The following EXT1 variants were observed in gnomAD, a reference collection of about 807,000 sequenced individuals.
EXT1 encodes the protein exostosin glycosyltransferase 1, also known as exostosin-1.
EXT1 carries 20 observed loss-of-function variants against 82.5 expected under a neutral mutation model. The observed-to-expected ratio is 0.24, with a 90% confidence interval of 0.17 to 0.35. The LOEUF is 0.35. Among genes scored for constraint, EXT1 ranks in the 10% least tolerant of loss-of-function variants. The pLI is 1.00. For synonymous variants in EXT1, 348 were observed against 350.8 expected, an observed-to-expected ratio of 0.99 and a Z score of 0.09; for missense variants, 757 against 936.5, an observed-to-expected ratio of 0.81 and a Z score of 2.50.
intron 1 of EXT1, among the ~76,000 whole-genome samples, chr8:117,948,400 G>A (rs2129689139): frequency 6.6e-6 from 1 of 151,644 alleles, no homozygotes; most frequent in South Asian, 2.1e-4. Flanking sequence ...AGAGAACAAG[G>A]TCAACAAATG....
intron 1 of EXT1, among the ~76,000 whole-genome samples, chr8:117,975,760 T>C (rs1274590023): frequency 1.3e-5 from 2 of 152,218 alleles, no homozygotes; most frequent in African/African-American, 2.4e-5. Context: ...CTTCATACAG[T>C]GCTTCAGAAA....
chr8:117,992,498 G>A (rs955570071), intron 1 of EXT1, among the ~76,000 whole-genome samples: 3 of 149,470 alleles, frequency 2.0e-5, no homozygotes, highest in Admixed American at 1.3e-4. Flanking sequence ...ACGAAGGCTT[G>A]GCCCAACATC....
At chr8:117,917,538 T>C (rs1317257542) in intron 1 of EXT1, among the ~76,000 whole-genome samples, 3 of 152,356 alleles carry the variant, frequency 2.0e-5, no homozygotes, top group Non-Finnish European at 2.9e-5. Flanking sequence ...TCATTGATAA[T>C]ATGCTTTCGT....
intron 7 of EXT1, among the ~76,000 whole-genome samples, chr8:117,813,467 C>T (rs1275336140): frequency 6.6e-6 from 1 of 150,608 alleles, no homozygotes; most frequent in Non-Finnish European, 1.5e-5. Context: ...TGCATCCTGA[C>T]ACCCACTCTT....
At chr8:118,089,532 A>G (rs1258792367) in intron 1 of EXT1, among the ~76,000 whole-genome samples, 1 of 152,240 alleles carries the variant, frequency 6.6e-6, no homozygotes, top group Non-Finnish European at 1.5e-5. Context: ...AATAAAATAT[A>G]TCCACTAAAC....
At chr8:117,997,462 A>C (rs1359691341) in intron 1 of EXT1, among the ~76,000 whole-genome samples, 1 of 151,964 alleles carries the variant, frequency 6.6e-6, no homozygotes, top group Non-Finnish European at 1.5e-5. Flanking sequence ...CAATAAGTAC[A>C]TAAGGTACAA....
At position 118,111,207 on chromosome 8, in the gene EXT1, C is replaced by G; in HGVS notation, c.-161G>C. ...GCCTTTCCCCAAGCCGTGGACTGAT[C>G]CAGCGCATGTGGGCGATTTCTTTAA... On this transcript the variant is annotated 5_prime_UTR_variant, in exon 1 of 11. Transcript: ENST00000378204. The G allele has an allele frequency of 9.8e-7, 1 of 1,021,120 alleles. No individual in the cohort carries two copies. The highest frequency in any genetic ancestry group is 1.5e-6 in the Non-Finnish European group (1 of 684,774). The allele number at this position is 1,021,120 out of a possible 1,614,324, so 63.3% of individuals were successfully genotyped here.
rs13270538 is a variant in EXT1 at position 118,096,660 on chromosome 8, A to G, written c.962+13425T>C. Among the ~76,000 whole-genome samples, 6 of 90,172 alleles carry G rather than the reference A, an allele frequency of 6.7e-5. 1 individual carries two copies. The highest frequency in any genetic ancestry group is 5.9e-4 in the South Asian group (1 of 1,690). The allele number at this position is 90,172 out of a possible 152,430, so 59.2% of individuals were successfully genotyped here. On this transcript the variant is annotated intron_variant, in intron 1 of 10. Transcript: ENST00000378204. ...GAAGGAAGGAAGGAAGGAAGGAAGGAAGGAAGGAAGGAAGGGAGGGAGGGA... is the reference window on the plus strand; with the variant it reads ...GAAGGAAGGAAGGAAGGAAGGAAGGGAGGAAGGAAGGAAGGGAGGGAGGGA...
At chr8:117,935,860 G>T (rs960179168) in intron 1 of EXT1, among the ~76,000 whole-genome samples, 31 of 152,096 alleles carry the variant, frequency 2.0e-4, no homozygotes, top group Admixed American at 1.2e-3. Flanking sequence ...CTAAGGGCAG[G>T]TATAATATTT....
At chr8:118,101,834 A>G (rs1817723216) in intron 1 of EXT1, among the ~76,000 whole-genome samples, 1 of 152,034 alleles carries the variant, frequency 6.6e-6, no homozygotes, top group Non-Finnish European at 1.5e-5. Context: ...ATGGGATTGG[A>G]GTGGGGAGTT....
rs558400386 is a variant in EXT1 at position 117,822,357 on chromosome 8, A to G, written c.1417+108T>C. 1,134 of 1,253,112 alleles carry G rather than the reference A, an allele frequency of 9.0e-4. 3 individuals are homozygous for G. Among genetic ancestry groups the G allele is most frequent in the Non-Finnish European group, 1.1e-3 (962 of 868,720 alleles). The allele number at this position is 1,253,112 out of a possible 1,614,324, so 77.6% of individuals were successfully genotyped here. ...AAGGCTCTAGAAAAAGCAATCTTCAATGCAGGGTGTTAGATGGACCCCATT... is the reference window on the plus strand; with the variant it reads ...AAGGCTCTAGAAAAAGCAATCTTCAGTGCAGGGTGTTAGATGGACCCCATT... On this transcript the variant is annotated intron_variant, in intron 5 of 10. Transcript: ENST00000378204.
At chr8:117,977,850 G>T (rs1815101797) in intron 1 of EXT1, among the ~76,000 whole-genome samples, 1 of 152,214 alleles carries the variant, frequency 6.6e-6, no homozygotes, top group Non-Finnish European at 1.5e-5. Context: ...ACTAAACAGT[G>T]AAGTTAGCCA....
chr8:117,882,423 T>C (rs963639720), intron 1 of EXT1, among the ~76,000 whole-genome samples: 4 of 152,082 alleles, frequency 2.6e-5, no homozygotes, highest in South Asian at 2.1e-4. Flanking sequence ...GGATGGTTGA[T>C]TGGTTGGTTG....
chr8:117,961,289 G>A (rs1373956004), intron 1 of EXT1, among the ~76,000 whole-genome samples: 1 of 152,122 alleles, frequency 6.6e-6, no homozygotes, highest in African/African-American at 2.4e-5. Flanking sequence ...GGACTACAGG[G>A]TGCAGGTGAC....
intron 1 of EXT1, among the ~76,000 whole-genome samples, chr8:118,080,069 A>G (rs1817284769): frequency 6.6e-6 from 1 of 152,212 alleles, no homozygotes; most frequent in African/African-American, 2.4e-5. Flanking sequence ...CTCTGTTCCC[A>G]AAGAGTTCAC....
At chr8:118,039,748 G>A (rs10106128) in intron 1 of EXT1, among the ~76,000 whole-genome samples, 58,810 of 151,682 alleles carry the variant, frequency 0.39, 11,924 homozygotes, top group Middle Eastern at 0.51. Flanking sequence ...ATGAGTGAAG[G>A]TGAAAGGGTT....
intron 7 of EXT1, 111 bp from the exon 8 acceptor site, chr8:117,813,072 C>A: frequency 1.2e-6 from 1 of 832,394 alleles, no homozygotes; most frequent in Non-Finnish European, 2.0e-6. Context: ...GAATGCGCTA[C>A]TATCATGTCA....
intron 1 of EXT1, among the ~76,000 whole-genome samples, chr8:117,931,977 A>G (rs969712809): frequency 3.3e-5 from 5 of 152,242 alleles, no homozygotes; most frequent in Non-Finnish European, 7.3e-5. Flanking sequence ...AAAATAAGTC[A>G]AGTGAATGCA....
At chr8:118,086,606 T>G (rs1277042505) in intron 1 of EXT1, among the ~76,000 whole-genome samples, 1 of 152,208 alleles carries the variant, frequency 6.6e-6, no homozygotes, top group Non-Finnish European at 1.5e-5. Flanking sequence ...TGCACTTATT[T>G]TAAGCTGTTC....
Sources: gnomAD v4.1 joint callset for allele counts (sites outside exome capture counted in the v4.1 genomes callset) on GRCh38, gnomAD v4.1.1 for gene constraint, MANE v1.5 for transcripts, NCBI Gene and HGNC (gene_info 2026-07-23, HGNC 2026-07-21) for gene names.